ZNF251: variants seen among roughly 807,000 people sequenced by gnomAD.
ZNF251 encodes the protein zinc finger protein 251.
A neutral mutation model predicts 13.5 loss-of-function variants in ZNF251; 14 were observed. The observed-to-expected ratio is 1.04, with a 90% CI of 0.69 to 1.63. ZNF251 has a LOEUF of 1.63. Ranked by LOEUF, ZNF251 falls within the 40% of genes most tolerant of loss-of-function variation. ZNF251 has a pLI of 0.00. For missense variants in ZNF251, 764 were observed against 834.9 expected (o/e 0.92, Z 1.05); for synonymous variants, 287 against 295.2 (o/e 0.97, Z 0.28).
chr8:144,722,948 C>T lies in ZNF251; in HGVS notation c.712G>A (p.Glu238Lys), dbSNP rs1181095685. The T allele has an allele frequency of 2.5e-6, 4 of 1,613,434 alleles. No homozygotes were observed. Among genetic ancestry groups the T allele is most frequent in the East Asian group, 2.2e-5 (1 of 44,856 alleles). ...AAGGCTCGCCCACACCGGCCACATTCGTACGGCTTCTCCCCAGTGTGACTT... is the reference window on the plus strand; with the variant it reads ...AAGGCTCGCCCACACCGGCCACATTTGTACGGCTTCTCCCCAGTGTGACTT... ...QRSHTGEKPY[E>K]CGRCGRAFTH... Residue 238 changes from glutamate (E) to lysine (K), a missense_variant, in exon 5 of 5, where the codon GAA (glutamate) becomes AAA (lysine). Physicochemically the swap from Glu to Lys is moderately conservative, Grantham distance 56 (BLOSUM62 1). Coordinates refer to ENST00000292562, the MANE Select transcript of ZNF251 (RefSeq NM_138367.2). The surrounding 1 kb of genome is among the most constrained non-coding windows in gnomAD (Gnocchi z 4.8).
rs71320840 is a variant in ZNF251 at position 144,725,016 on chromosome 8, G to GT, written c.278-1635dup. Reference sequence around the variant, plus strand: ...CCACCACCTTTTTTCTTTCTTTCTTGTTTTTTTTTTCTTTGAGACAGAGTT... The same window carrying GT: ...CCACCACCTTTTTTCTTTCTTTCTTGTTTTTTTTTTTCTTTGAGACAGAGTT... On this transcript the variant is annotated intron_variant, in intron 4 of 4. Transcript: ENST00000292562. 1.2e-3 allele frequency among the ~76,000 whole-genome samples: 185 copies of GT among 150,026 alleles called. 3 individuals carry two copies. In the South Asian group the frequency reaches 0.034, roughly 28 times the overall value.
chr8:144,744,741 G>A (rs1280060338), intron 4 of ZNF251, among the ~76,000 whole-genome samples: 4 of 152,138 alleles, frequency 2.6e-5, no homozygotes, highest in Non-Finnish European at 5.9e-5. Context: ...CACTGATCTC[G>A]GACGTGTAGC....
At position 144,753,810 on chromosome 8, in the gene ZNF251, G is replaced by C; in HGVS notation, c.164-14C>G. On this transcript the variant is annotated splice_polypyrimidine_tract_variant and intron_variant, in intron 3 of 4. Transcript: ENST00000292562. The stretch of plus-strand genomic sequence containing the variant: ...GGACAGGGAATCCTGTTGAGGATGA[G>C]GACACTGGTGAGCTGGCATGGCCCA... 1 of 1,552,512 alleles carries C rather than the reference G, an allele frequency of 6.4e-7. No homozygotes were observed. The highest frequency in any genetic ancestry group is 8.7e-7 in the Non-Finnish European group (1 of 1,145,826).
At chr8:144,753,236 C>T (rs895105906) in intron 4 of ZNF251, among the ~76,000 whole-genome samples, 9 of 127,022 alleles carry the variant, frequency 7.1e-5, no homozygotes, top group African/African-American at 2.6e-4. Flanking sequence ...GATCGTGCCA[C>T]TGCACTCCAG....
intron 4 of ZNF251, among the ~76,000 whole-genome samples, chr8:144,746,676 A>G (rs1824445163): frequency 6.6e-6 from 1 of 152,152 alleles, no homozygotes; most frequent in Non-Finnish European, 1.5e-5. Context: ...ACATAGCCCT[A>G]TTCAGATTGT....
rs749862786 is a variant in ZNF251, at chr8:144,754,241, C to T, written c.114G>A (p.Ala38=). 6.2e-7 allele frequency: 1 copy of T among 1,614,018 alleles called. No individual in the cohort carries two copies. Among genetic ancestry groups the T allele is most frequent in the Non-Finnish European group, 8.5e-7 (1 of 1,179,960 alleles). ...TCTCCAGCATCACATCCCGGTAGAGCGCCCGCTGCTGGGGGCCCAGCTGCC... is the reference window on the plus strand; with the variant it reads ...TCTCCAGCATCACATCCCGGTAGAGTGCCCGCTGCTGGGGGCCCAGCTGCC... The part of the protein sequence containing the change: ...EGRQLGPQQR[A]LYRDVMLENY... The change falls in exon 3 of 5, where the codon GCG becomes GCA. Residue 38 remains alanine (A), a synonymous_variant. Transcript: ENST00000292562.
intron 4 of ZNF251, 180 bp downstream of exon 4, chr8:144,753,503 G>A (rs541025133): frequency 7.0e-5 from 39 of 559,448 alleles, no homozygotes; most frequent in African/African-American, 6.8e-4. Context: ...AAACAGACCA[G>A]CAAGATAAAA....
rs12681803 is a variant in ZNF251, at chr8:144,732,587, G to C, written c.278-9205C>G. Among the ~76,000 whole-genome samples, 6,960 of 150,890 alleles carry C rather than the reference G, an allele frequency of 0.046. 860 individuals carry two copies. In the East Asian group the frequency reaches 0.5, roughly 11 times the overall value. ...CAGCACTTGGGGAGGCCAAGGCGGG[G>C]GAATCACGAGGTCAGGAGATGGAGA... On this transcript the variant is annotated intron_variant, in intron 4 of 4. Transcript: ENST00000292562.
At chr8:144,737,286 T>C (rs542377508) in intron 4 of ZNF251, among the ~76,000 whole-genome samples, 1 of 151,872 alleles carries the variant, frequency 6.6e-6, no homozygotes, top group Non-Finnish European at 1.5e-5. Context: ...TTAGTAGAGA[T>C]GGGGTTTTAC....
chr8:144,736,577 C>T (rs1823905291), intron 4 of ZNF251, among the ~76,000 whole-genome samples: 2 of 151,806 alleles, frequency 1.3e-5, no homozygotes, highest in Non-Finnish European at 2.9e-5. Flanking sequence ...CCGCAACTTC[C>T]ACCTCCTGGG....
At chr8:144,746,030 CTCAG>C (rs1161802929) in intron 4 of ZNF251, among the ~76,000 whole-genome samples, 3 of 152,256 alleles carry the variant, frequency 2.0e-5, no homozygotes, top group Non-Finnish European at 2.9e-5. Flanking sequence ...AGACTTACAC[CTCAG>C]TATTTTATCT....
At chr8:144,751,650 A>G (rs1824697981) in intron 4 of ZNF251, among the ~76,000 whole-genome samples, 1 of 152,254 alleles carries the variant, frequency 6.6e-6, no homozygotes, top group African/African-American at 2.4e-5. Context: ...AGAGGAATTT[A>G]AAAAACAGAA....
chr8:144,725,866 A>G (rs1035731428), intron 4 of ZNF251, among the ~76,000 whole-genome samples: 1 of 152,212 alleles, frequency 6.6e-6, no homozygotes, highest in African/African-American at 2.4e-5. Flanking sequence ...TATATGTAAC[A>G]AGGATAACAC....
rs373732400 is a variant in ZNF251 at position 144,754,759 on chromosome 8, G to A, written c.-31C>T. 5.6e-6 allele frequency: 9 copies of A among 1,609,064 alleles called. No homozygotes were observed. In the East Asian group the frequency reaches 6.7e-5, roughly 12 times the overall value. On this transcript the variant is annotated 5_prime_UTR_variant, in exon 2 of 5. Coordinates refer to ENST00000292562, the MANE Select transcript of ZNF251 (RefSeq NM_138367.2). Reference sequence around the variant, plus strand: ...GTGCATGGGCTGCTGTGGTTTCCAAGAGAAGACAGGAGACTGCCCTGGCCT... The same window carrying A: ...GTGCATGGGCTGCTGTGGTTTCCAAAAGAAGACAGGAGACTGCCCTGGCCT...
intron 2 of ZNF251, 73 bp downstream of exon 2, chr8:144,754,623 T>G: frequency 6.5e-7 from 1 of 1,539,776 alleles, no homozygotes; most frequent in Non-Finnish European, 8.7e-7. Flanking sequence ...GGCTCACGGC[T>G]CCAGAGGAGA....
intron 4 of ZNF251, among the ~76,000 whole-genome samples, chr8:144,736,776 G>A (rs1015074218): frequency 2.0e-5 from 3 of 152,022 alleles, no homozygotes; most frequent in South Asian, 2.1e-4. Context: ...ACAGGCGTGA[G>A]CCACCGTGCC....
At chr8:144,751,234 G>C (rs1301783065) in intron 4 of ZNF251, among the ~76,000 whole-genome samples, 15 of 152,194 alleles carry the variant, frequency 9.9e-5, no homozygotes, top group Non-Finnish European at 1.5e-5. Context: ...TTTTCAGTTT[G>C]TTCAGCTTTT....
chr8:144,723,224 G>C lies in ZNF251; in HGVS notation c.436C>G (p.Arg146Gly). 6.2e-7 allele frequency: 1 copy of C among 1,613,486 alleles called. No homozygotes were observed. Among genetic ancestry groups the C allele is most frequent in the Non-Finnish European group, 8.5e-7 (1 of 1,179,654 alleles). ...AWGREGKLKE[R>G]VGNSAGQSLN... ...CTCTGCCCGGCAGAATTTCCCACGC[G>C]CTCTTTGAGTTTGCCCTCACGGCCC... The change falls in exon 5 of 5, where the codon CGC becomes GGC. Residue 146 changes from arginine to glycine, a missense_variant. By Grantham distance (125) the Arg-to-Gly change is moderately radical (BLOSUM62 -2). Transcript: ENST00000292562.
At chr8:144,754,482 A>G (rs1162536527) in intron 2 of ZNF251, 161 bp from the exon 3 acceptor site, 3 of 1,445,592 alleles carry the variant, frequency 2.1e-6, no homozygotes, top group Non-Finnish European at 2.7e-6. Flanking sequence ...AGCGCTGAGG[A>G]CCAGCCAACT....
Sources: allele counts gnomAD v4.1 joint callset (sites outside exome capture counted in the v4.1 genomes callset), GRCh38; gene constraint gnomAD v4.1.1; non-coding constraint Gnocchi (gnomAD v3.1); transcripts MANE v1.5; gene names NCBI Gene and HGNC (gene_info 2026-07-23, HGNC 2026-07-21).